Variants in SOX5 observed in about 807,000 individuals in gnomAD.
The protein encoded by SOX5 is SRY-box transcription factor 5.
In SOX5, 9 loss-of-function variants were observed where a neutral mutation model predicts 92.0. The ratio of observed to expected loss-of-function variants is 0.10; its 90% CI spans 0.06 to 0.17. SOX5 has a LOEUF of 0.17. Ranked by LOEUF, SOX5 falls within the 10% of genes least tolerant of loss-of-function variation. The pLI, the probability that SOX5 is intolerant of heterozygous loss-of-function variation, is 1.00. For synonymous variants in SOX5, 344 were observed against 336.3 expected (o/e 1.02, Z -0.25); for missense variants, 642 against 944.5 (o/e 0.68, Z 4.20).
chr12:24,001,843 A>G (rs575940274), intron 4 of SOX5, among the ~76,000 whole-genome samples: 6 of 152,276 alleles, frequency 3.9e-5, no homozygotes, highest in Admixed American at 6.5e-5. Flanking sequence ...GCACACCTGT[A>G]GTCACAGTTA....
At chr12:23,820,060 G>A (rs190869303) in intron 3 of SOX5, among the ~76,000 whole-genome samples, 3 of 152,134 alleles carry the variant, frequency 2.0e-5, no homozygotes, top group African/African-American at 4.8e-5. Context: ...GTATAAAAGC[G>A]TTCCTATTTC....
intron 13 of SOX5, among the ~76,000 whole-genome samples, chr12:23,541,816 C>G (rs747536596): frequency 6.6e-6 from 1 of 152,052 alleles, no homozygotes; most frequent in South Asian, 2.1e-4. Flanking sequence ...AATATGGGAT[C>G]ATAAAAACAT....
intron 1 of SOX5, among the ~76,000 whole-genome samples, chr12:23,923,566 TA>T (rs1939085671): frequency 6.6e-6 from 1 of 152,136 alleles, no homozygotes; most frequent in African/African-American, 2.4e-5. Context: ...CACATGTCAT[TA>T]AATTAAGAAG....
chr12:23,988,016 T>C (rs753792049), intron 4 of SOX5, among the ~76,000 whole-genome samples: 4 of 152,156 alleles, frequency 2.6e-5, no homozygotes, highest in Non-Finnish European at 5.9e-5. Context: ...TTGTCTAAAG[T>C]AATATAATAG....
At chr12:23,880,192 T>G (rs2096972383) in intron 2 of SOX5, among the ~76,000 whole-genome samples, 1 of 152,116 alleles carries the variant, frequency 6.6e-6, no homozygotes. Flanking sequence ...TATCACACAG[T>G]TTCAGGGGGT....
chr12:24,429,223 A>C (rs1353312056), intron 1 of SOX5, among the ~76,000 whole-genome samples: 1 of 152,120 alleles, frequency 6.6e-6, no homozygotes, highest in Non-Finnish European at 1.5e-5. Context: ...AGGCTGAGGC[A>C]GGAGAATGGC....
chr12:23,664,416 T>C (rs1220332556), intron 7 of SOX5, among the ~76,000 whole-genome samples: 2 of 152,072 alleles, frequency 1.3e-5, no homozygotes, highest in Non-Finnish European at 2.9e-5. Context: ...TTTTCAGTGG[T>C]GTTCACTTTT....
chr12:23,966,392 G>T (rs915692246), intron 4 of SOX5, among the ~76,000 whole-genome samples: 2 of 151,792 alleles, frequency 1.3e-5, no homozygotes, highest in African/African-American at 4.8e-5. Context: ...TTAATTCTGG[G>T]GTGAAAATGA....
At chr12:23,857,799 C>A (rs2096710107) in intron 2 of SOX5, among the ~76,000 whole-genome samples, 1 of 150,366 alleles carries the variant, frequency 6.7e-6, no homozygotes, top group South Asian at 2.1e-4. Flanking sequence ...GTGGCACGAT[C>A]TTGGCTCACT....
At chr12:24,169,184 G>A (rs1187473147) in intron 4 of SOX5, among the ~76,000 whole-genome samples, 6 of 152,146 alleles carry the variant, frequency 3.9e-5, no homozygotes, top group African/African-American at 1.2e-4. Flanking sequence ...TATTATGACA[G>A]ACATAAAGGT....
At chr12:23,767,900 C>T (rs1028686010) in intron 3 of SOX5, among the ~76,000 whole-genome samples, 10 of 151,996 alleles carry the variant, frequency 6.6e-5, no homozygotes, top group African/African-American at 2.4e-4. Flanking sequence ...TTCTCTTTCA[C>T]ACACATGTGT....
intron 4 of SOX5, among the ~76,000 whole-genome samples, chr12:23,980,625 T>A (rs1364883063): frequency 6.6e-6 from 1 of 152,188 alleles, no homozygotes; most frequent in Non-Finnish European, 1.5e-5. Flanking sequence ...ACATTTCTGG[T>A]ATATTCCCAT....
chr12:24,053,714 A>T (rs1957823023), intron 4 of SOX5, among the ~76,000 whole-genome samples: 1 of 152,286 alleles, frequency 6.6e-6, no homozygotes, highest in Middle Eastern at 3.4e-3. Flanking sequence ...GCTGCACCTC[A>T]TGTCTTTCTC....
At chr12:24,215,751 T>C (rs982106480) in intron 3 of SOX5, among the ~76,000 whole-genome samples, 2 of 151,132 alleles carry the variant, frequency 1.3e-5, no homozygotes, top group Non-Finnish European at 1.5e-5. Flanking sequence ...AAGCTGATCC[T>C]AAAATTCATA....
chr12:23,546,780 CA>C (rs920750623), intron 11 of SOX5, among the ~76,000 whole-genome samples: 3 of 152,140 alleles, frequency 2.0e-5, no homozygotes, highest in African/African-American at 7.2e-5. Flanking sequence ...TTTGGCCAGA[CA>C]GTAGAAGTAT....
chr12:23,546,439 T>C lies in SOX5; in HGVS notation c.1489-15A>G, dbSNP rs528856011. 2.2e-6 allele frequency: 3 copies of C among 1,366,270 alleles called. No individual in the cohort carries two copies. Among genetic ancestry groups the C allele is most frequent in the African/African-American group, 1.4e-5 (1 of 69,590 alleles). 84.6% of individuals were successfully genotyped at this position (1,366,270 alleles called of 1,614,324 possible). ...GTTGTTTTTTCCTTTAAAAAAATTA[T>C]AATGAGAGATCAGTCTAGGAATTAA... is the stretch of plus-strand genomic sequence containing the variant. On this transcript the variant is annotated splice_polypyrimidine_tract_variant and intron_variant, in intron 11 of 14. Coordinates refer to ENST00000451604, the MANE Select transcript of SOX5 (RefSeq NM_006940.6).
chr12:23,563,450 C>A, intron 10 of SOX5, 47 bp from the exon 11 acceptor site: 1 of 1,573,012 alleles, frequency 6.4e-7, no homozygotes. Flanking sequence ...AAAAGCATGT[C>A]TAGGCTAGCG....
chr12:24,286,531 T>G (rs1032547911), intron 2 of SOX5, among the ~76,000 whole-genome samples: 6 of 150,928 alleles, frequency 4.0e-5, no homozygotes, highest in African/African-American at 1.5e-4. Context: ...AGAACAAGAG[T>G]TTTTTAAATA....
intron 1 of SOX5, among the ~76,000 whole-genome samples, chr12:24,402,245 T>C (rs1961898415): frequency 2.0e-5 from 3 of 152,194 alleles, no homozygotes; most frequent in African/African-American, 4.8e-5. Context: ...AATTTGGTAA[T>C]AGATAACAAA....
Sources: gnomAD v4.1 joint callset for allele counts (sites outside exome capture counted in the v4.1 genomes callset) on GRCh38, gnomAD v4.1.1 for gene constraint, MANE v1.5 for transcripts, NCBI Gene and HGNC (gene_info 2026-07-23, HGNC 2026-07-21) for gene names.